Variants in OVOL3 observed in about 807,000 individuals in gnomAD.
The protein encoded by OVOL3 is putative transcription factor ovo-like protein 3.
Under a neutral mutation model 13.6 loss-of-function variants are expected in OVOL3, and 15 were observed. That is an observed-to-expected ratio of 1.11 (90% CI 0.74 to 1.70). The LOEUF is 1.70. Ranked by LOEUF, OVOL3 falls within the 40% of genes most tolerant of loss-of-function variation. OVOL3 has a pLI of 0.00. For synonymous variants in OVOL3, 102 were observed against 108.5 expected (o/e 0.94, Z 0.37); for missense variants, 290 against 280.6 (o/e 1.03, Z -0.24).
intron 2 of OVOL3, chr19:36,111,917 G>A (rs1973830124): frequency 2.2e-6 from 1 of 447,706 alleles, no homozygotes; most frequent in African/African-American, 2.0e-5. Flanking sequence ...GGGGCTGCAT[G>A]TATAGACAAT....
At chr19:36,111,599 G>A (rs1568378565) in intron 2 of OVOL3, 166 bp downstream of exon 2, 2 of 761,168 alleles carry the variant, frequency 2.6e-6, no homozygotes, top group Non-Finnish European at 4.5e-6. Flanking sequence ...TCCTTTCCTA[G>A]TAGTGAGCTC....
Position 36,111,434 on chromosome 19 carries a change from G to GT in OVOL3, c.159+2dup. The GT allele has an allele frequency of 6.5e-7, 1 of 1,535,988 alleles. No individual in the cohort carries two copies. The highest frequency in any genetic ancestry group is 8.7e-7 in the Non-Finnish European group (1 of 1,146,828). On this transcript the variant is annotated splice_donor_variant, in intron 2 of 3. Transcript: ENST00000633214. LOFTEE classifies it high-confidence loss of function. ...CAGTGTCAGGGATCCGTGGACAGCG[G>GT]TGAGTGTGTAACTGGCTAGCAAAGC...
Position 36,111,426 on chromosome 19 carries a change from G to T in OVOL3, c.152G>T (p.Trp51Leu). The change falls in exon 2 of 4, where the codon TGG becomes TTG. Residue 51 changes from tryptophan (W) to leucine (L), a missense_variant. Physicochemically the swap from Trp to Leu is moderately conservative, Grantham distance 61. Transcript: ENST00000633214. The part of the protein sequence containing the change: ...AQQSSSVRDP[W>L]TAQPTQGNLT... ...CAGTCGTCCAGTGTCAGGGATCCGT[G>T]GACAGCGGTGAGTGTGTAACTGGCT... 1 of 1,535,968 alleles carries T rather than the reference G, an allele frequency of 6.5e-7. No homozygotes were observed. The highest frequency in any genetic ancestry group is 1.2e-5 in the South Asian group (1 of 84,054).
rs935898241 is a variant in OVOL3, at chr19:36,111,173, C to T, written c.-30C>T. 3 of 1,506,262 alleles carry T rather than the reference C, an allele frequency of 2.0e-6. No homozygotes were observed. Among genetic ancestry groups the T allele is most frequent in the African/African-American group, 2.8e-5 (2 of 72,386 alleles). The allele number at this position is 1,506,262 out of a possible 1,614,324, so 93.3% of individuals were successfully genotyped here. ...GAGGTCTGACAGCAGGTGGAAGCAG[C>T]CCCTGTGTGTGGAGAGCCTTCCGGA... is the stretch of plus-strand genomic sequence containing the variant. On this transcript the variant is annotated 5_prime_UTR_variant, in exon 1 of 4. Transcript: ENST00000633214.
intron 3 of OVOL3, 142 bp from the exon 4 acceptor site, chr19:36,113,311 T>C: frequency 1.2e-6 from 1 of 854,710 alleles, no homozygotes; most frequent in South Asian, 1.6e-5. Context: ...CGGTAGCAGA[T>C]GGTGGGTCAT....
chr19:36,111,505 G>T lies in OVOL3; in HGVS notation c.159+72G>T, dbSNP rs1345090220. On this transcript the variant is annotated intron_variant, in intron 2 of 3. Coordinates refer to ENST00000633214, the MANE Select transcript of OVOL3 (RefSeq NM_001302757.2). ...GCTCTCAGCCTTAATGAAGCTGACA[G>T]CCCCTTGCTCCCCCGACCCATCTGC... 3 of 1,470,306 alleles carry T rather than the reference G, an allele frequency of 2.0e-6. No homozygotes were observed. The African/African-American group carries it at 4.2e-5, about 21-fold the overall frequency. 91.1% of individuals were successfully genotyped at this position (1,470,306 alleles called of 1,614,324 possible).
At chr19:36,111,526 T>C (rs958869325) in intron 2 of OVOL3, 93 bp downstream of exon 2, 1 of 1,285,900 alleles carries the variant, frequency 7.8e-7, no homozygotes, top group Non-Finnish European at 1.1e-6. Flanking sequence ...CCCCGACCCA[T>C]CTGCACACGC....
rs1362167346 is a variant in OVOL3 at position 36,112,813 on chromosome 19, C to CT, written c.214dup (p.Cys72LeufsTer6). On this transcript the variant is annotated frameshift_variant, in exon 3 of 4. Transcript: ENST00000633214. LOFTEE classifies it high-confidence loss of function. Reference sequence around the variant, plus strand: ...CTCCCAGGGGCCCTGGGACGCTGGGCTGCCCGCTCTGCCCTAAGGCCTTCC... The same window carrying CT: ...CTCCCAGGGGCCCTGGGACGCTGGGCTTGCCCGCTCTGCCCTAAGGCCTTCC... 9.8e-6 allele frequency: 15 copies of CT among 1,535,342 alleles called. No homozygotes were observed. Among genetic ancestry groups the CT allele is most frequent in the Non-Finnish European group, 1.3e-5 (15 of 1,146,796 alleles).
At chr19:36,112,111 G>T (rs769629316) in intron 2 of OVOL3, among the ~76,000 whole-genome samples, 4 of 152,144 alleles carry the variant, frequency 2.6e-5, no homozygotes, top group African/African-American at 4.8e-5. Context: ...TGAGGCAGGA[G>T]AATCAGTTGA....
chr19:36,111,174 C>T lies in OVOL3; in HGVS notation c.-29C>T, dbSNP rs1973804593. 6.6e-7 allele frequency: 1 copy of T among 1,508,828 alleles called. No individual in the cohort carries two copies. The highest frequency in any genetic ancestry group is 1.2e-5 in the South Asian group (1 of 82,670). The allele number at this position is 1,508,828 out of a possible 1,614,324, so 93.5% of individuals were successfully genotyped here. ...AGGTCTGACAGCAGGTGGAAGCAGC[C>T]CCTGTGTGTGGAGAGCCTTCCGGAG... On this transcript the variant is annotated 5_prime_UTR_variant, in exon 1 of 4. Coordinates refer to ENST00000633214, the MANE Select transcript of OVOL3 (RefSeq NM_001302757.2).
At chr19:36,113,010 G>A in intron 3 of OVOL3, 46 bp downstream of exon 3, 1 of 1,512,704 alleles carries the variant, frequency 6.6e-7, no homozygotes, top group Non-Finnish European at 8.9e-7. Context: ...CCCCAGGTGG[G>A]GATGGAAGGA....
chr19:36,113,652 C>T lies in OVOL3; in HGVS notation c.564C>T (p.Arg188=). The change falls in exon 4 of 4, where the codon CGC becomes CGT. Residue 188 remains arginine (R), a synonymous_variant. Transcript: ENST00000633214. ...DTYAQHRALH[R]AA ...ACGCACAGCACCGCGCCCTGCACCG[C>T]GCAGCCTGATACGGTGTGCCAGCGT... The T allele has an allele frequency of 6.5e-7, 1 of 1,549,086 alleles. No individual in the cohort carries two copies. The highest frequency in any genetic ancestry group is 8.7e-7 in the Non-Finnish European group (1 of 1,146,330).
chr19:36,111,686 C>T (rs1189140661), intron 2 of OVOL3: 1 of 656,434 alleles, frequency 1.5e-6, no homozygotes, highest in African/African-American at 1.8e-5. Context: ...AAGATTCATC[C>T]CCACATGTGG....
chr19:36,113,361 A>G, intron 3 of OVOL3, 92 bp from the exon 4 acceptor site: 2 of 1,291,426 alleles, frequency 1.5e-6, no homozygotes, highest in Non-Finnish European at 2.1e-6. Context: ...GGTACCAGAA[A>G]TGCTCAACAC....
Position 36,111,151 on chromosome 19 carries a change from G to C in OVOL3, c.-52G>C, listed in dbSNP as rs1413538862. ...CAGGGATAGTCATCCTGGGGCTGAG[G>C]TCTGACAGCAGGTGGAAGCAGCCCC... On this transcript the variant is annotated 5_prime_UTR_variant, in exon 1 of 4. Transcript: ENST00000633214. 1 of 1,432,092 alleles carries C rather than the reference G, an allele frequency of 7.0e-7. No homozygotes were observed. The highest frequency in any genetic ancestry group is 9.4e-7 in the Non-Finnish European group (1 of 1,064,954). 88.7% of individuals were successfully genotyped at this position (1,432,092 alleles called of 1,614,324 possible).
chr19:36,112,696 T>C, intron 2 of OVOL3, 64 bp from the exon 3 acceptor site: 1 of 1,409,128 alleles, frequency 7.1e-7, no homozygotes, highest in Non-Finnish European at 9.6e-7. Context: ...AATACTCATT[T>C]GCAGAGTAAC....
At position 36,112,798 on chromosome 19, in the gene OVOL3, C is replaced by A. The variant is rs1244557324; in HGVS notation, c.198C>A (p.Gly66=). ...TQGNLTSAPR[G]PGTLGCPLCP... ...GCAACCTGACCTCTGCTCCCAGGGG[C>A]CCTGGGACGCTGGGCTGCCCGCTCT... Residue 66 remains glycine, a synonymous_variant, in exon 3 of 4, where the codon GGC becomes GGA. Coordinates refer to ENST00000633214, the MANE Select transcript of OVOL3 (RefSeq NM_001302757.2). 3 of 1,534,990 alleles carry A rather than the reference C, an allele frequency of 2.0e-6. No homozygotes were observed. The highest frequency in any genetic ancestry group is 2.6e-6 in the Non-Finnish European group (3 of 1,146,668).
Position 36,113,544 on chromosome 19 carries a change from G to A in OVOL3, c.456G>A (p.Pro152=), listed in dbSNP as rs117966240. Reference sequence around the variant, plus strand: ...ACCTTGCTAAGGTGCATGGACAGCCGGCCAGCTACGCTTACCGTGAGCGCC... The same window carrying A: ...ACCTTGCTAAGGTGCATGGACAGCCAGCCAGCTACGCTTACCGTGAGCGCC... ...EAHLAKVHGQ[P]ASYAYRERRE... The change falls in exon 4 of 4, where the codon CCG becomes CCA. Residue 152 remains proline, a synonymous_variant. Coordinates refer to ENST00000633214, the MANE Select transcript of OVOL3 (RefSeq NM_001302757.2). 4.8e-3 allele frequency: 7,380 copies of A among 1,536,376 alleles called. 23 individuals carry two copies. The highest frequency in any genetic ancestry group is 5.9e-3 in the Non-Finnish European group (6,796 of 1,146,896).
chr19:36,112,770 A>C lies in OVOL3; in HGVS notation c.170A>C (p.Gln57Pro), dbSNP rs1220979526. ...VRDPWTAQPTQGNLTSAPRGP... is the reference protein window; with the variant it reads ...VRDPWTAQPTPGNLTSAPRGP... ...CCTGCATCCCTCCAGCAGCCCACACAGGGCAACCTGACCTCTGCTCCCAGG... is the reference window on the plus strand; with the variant it reads ...CCTGCATCCCTCCAGCAGCCCACACCGGGCAACCTGACCTCTGCTCCCAGG... Residue 57 changes from glutamine (Q) to proline (P), a missense_variant, in exon 3 of 4, where the codon CAG (glutamine) becomes CCG (proline). Transcript: ENST00000633214. 6.5e-7 allele frequency: 1 copy of C among 1,533,944 alleles called. No homozygotes were observed. Among genetic ancestry groups the C allele is most frequent in the Admixed American group, 2.0e-5 (1 of 50,964 alleles).
Sources: gnomAD v4.1 joint callset for allele counts (sites outside exome capture counted in the v4.1 genomes callset) on GRCh38, gnomAD v4.1.1 for gene constraint, MANE v1.5 for transcripts, NCBI Gene and HGNC (gene_info 2026-07-23, HGNC 2026-07-21) for gene names.